RELN: variants seen among roughly 807,000 people sequenced by gnomAD.
RELN encodes reelin.
In RELN, 108 loss-of-function variants were observed where a neutral mutation model predicts 427.6. The ratio of observed to expected loss-of-function variants is 0.25; its 90% CI spans 0.22 to 0.30. The LOEUF is 0.30. Ranked by LOEUF, RELN falls within the 10% of genes least tolerant of loss-of-function variation. The pLI is 1.00. For missense variants in RELN, 3,715 were observed against 4,302.8 expected, an observed-to-expected ratio of 0.86 and a Z score of 3.82; for synonymous variants, 1,524 against 1,513.4, an observed-to-expected ratio of 1.01 and a Z score of -0.16.
intron 16 of RELN, among the ~76,000 whole-genome samples, chr7:103,646,545 C>T (rs1379151027): frequency 6.6e-6 from 1 of 151,868 alleles, no homozygotes; most frequent in African/African-American, 2.4e-5. Flanking sequence ...TTCCTGGAAA[C>T]ATACCTCCTC....
chr7:103,788,819 A>T (rs1341478793), intron 3 of RELN, among the ~76,000 whole-genome samples: 1 of 152,222 alleles, frequency 6.6e-6, no homozygotes, highest in Admixed American at 6.5e-5. Flanking sequence ...CCTTCACAGA[A>T]TTAGAAGAAA....
intron 19 of RELN, among the ~76,000 whole-genome samples, chr7:103,631,024 C>T (rs761440400): frequency 9.9e-5 from 15 of 151,752 alleles, no homozygotes; most frequent in Admixed American, 2.6e-4. Context: ...TGAAGAAACA[C>T]GCTAAACCAC....
intron 46 of RELN, among the ~76,000 whole-genome samples, chr7:103,527,150 C>A (rs1312402516): frequency 6.6e-6 from 1 of 152,208 alleles, no homozygotes; most frequent in African/African-American, 2.4e-5. Context: ...TTTCACTACA[C>A]ATTACAGAGT....
chr7:103,809,638 G>T (rs933830974), intron 3 of RELN, among the ~76,000 whole-genome samples: 3 of 152,170 alleles, frequency 2.0e-5, no homozygotes, highest in Admixed American at 1.3e-4. Context: ...GAAAGGAAAA[G>T]AAATTACAGT....
rs1832674582 is a variant in RELN at position 103,640,496 on chromosome 7, T to C, written c.2069+47A>G. ...ATGACTTGCGACTTCAACACATACATTACACATCAAAAAGGAGAAGCATAA... is the reference window on the plus strand; with the variant it reads ...ATGACTTGCGACTTCAACACATACACTACACATCAAAAAGGAGAAGCATAA... On this transcript the variant is annotated intron_variant, in intron 17 of 64. Transcript: ENST00000428762. The surrounding 1 kb of genome is among the most constrained non-coding windows in gnomAD (Gnocchi z 4.1). 1 of 1,581,180 alleles carries C rather than the reference T, an allele frequency of 6.3e-7. No homozygotes were observed. Among genetic ancestry groups the C allele is most frequent in the South Asian group, 1.1e-5 (1 of 90,400 alleles).
rs1832932210 is a variant in RELN, at chr7:103,652,225, CAGG to C, written c.1763+323_1763+325del. 2.7e-5 allele frequency among the ~76,000 whole-genome samples: 4 copies of C among 150,462 alleles called. No individual in the cohort carries two copies. In the South Asian group the frequency reaches 8.4e-4, roughly 32 times the overall value. On this transcript the variant is annotated intron_variant, in intron 14 of 64. Coordinates refer to ENST00000428762, the MANE Select transcript of RELN (RefSeq NM_005045.4). ...TTATTATTAGCAGGTCACCAGCCGA[CAGG>C]AGGTCAAGCTTTTTTTCAGTTGCTT...
chr7:103,769,943 C>T (rs1253176404), intron 4 of RELN, among the ~76,000 whole-genome samples: 1 of 152,130 alleles, frequency 6.6e-6, no homozygotes, highest in African/African-American at 2.4e-5. Context: ...CTCTAGTCTG[C>T]CCTCATGGTA....
At chr7:103,888,415 T>C (rs1794771988) in intron 2 of RELN, among the ~76,000 whole-genome samples, 1 of 152,178 alleles carries the variant, frequency 6.6e-6, no homozygotes, top group South Asian at 2.1e-4. Flanking sequence ...GAACCTGAGA[T>C]TGGCCACTGA....
intron 31 of RELN, among the ~76,000 whole-genome samples, chr7:103,570,838 TTATTATTAGAGGTTTATTA>T (rs796936681): frequency 6.2e-4 from 95 of 152,336 alleles, no homozygotes; most frequent in African/African-American, 2.3e-3. Flanking sequence ...TAGAGGTTTA[TTATTATTAGAGGTTTATTA>T]TTATTATTGC....
chr7:103,533,438 C>T (rs547750563), intron 46 of RELN, among the ~76,000 whole-genome samples: 2 of 151,036 alleles, frequency 1.3e-5, no homozygotes, highest in Admixed American at 6.6e-5. Context: ...TACTCATGTT[C>T]GAAACAAGTA....
chr7:103,565,389 T>C lies in RELN; in HGVS notation c.5099A>G (p.Glu1700Gly). 1 of 1,614,138 alleles carries C rather than the reference T, an allele frequency of 6.2e-7. No individual in the cohort carries two copies. The highest frequency in any genetic ancestry group is 8.5e-7 in the Non-Finnish European group (1 of 1,180,008). Reference protein sequence around the residue: ...NGKDWHLVTEECVPPTIGCLH... With the variant: ...NGKDWHLVTEGCVPPTIGCLH... ...ACAGCCAATGGTTGGAGGAACACAC[T>C]CTTCGGTGACAAGATGCCAGTCCTT... The change falls in exon 34 of 65, where the codon GAG (glutamate) becomes GGG (glycine). Residue 1700 changes from glutamate (E) to glycine (G), a missense_variant. Glu to Gly is a moderately conservative substitution (Grantham distance 98). This residue lies in a region of RELN where 2,208 missense variants were observed against 2,361.7 expected (regional missense o/e 0.93). Transcript: ENST00000428762.
intron 2 of RELN, among the ~76,000 whole-genome samples, chr7:103,902,390 A>G (rs1284957441): frequency 1.3e-5 from 2 of 152,066 alleles, no homozygotes; most frequent in African/African-American, 2.4e-5. Context: ...ATGATCTTTG[A>G]TAACTATATT....
At chr7:103,980,177 T>A (rs1029387744) in intron 1 of RELN, among the ~76,000 whole-genome samples, 31 of 151,096 alleles carry the variant, frequency 2.1e-4, no homozygotes, top group Non-Finnish European at 3.2e-4. Context: ...AAAAAAAAAA[T>A]TCTTAATAAA....
intron 55 of RELN, among the ~76,000 whole-genome samples, chr7:103,497,252 T>TC (rs1306406514): frequency 6.6e-6 from 1 of 152,192 alleles, no homozygotes; most frequent in Admixed American, 6.5e-5. Context: ...TACTTTAGGG[T>TC]CATCTGTTAA....
intron 25 of RELN, 46 bp from the exon 26 acceptor site, chr7:103,594,538 C>A: frequency 1.5e-6 from 2 of 1,363,668 alleles, no homozygotes; most frequent in Non-Finnish European, 2.0e-6. Flanking sequence ...AAAAGCTGTG[C>A]TTTTTTTTTT....
rs535558960 is a variant in RELN at position 103,866,700 on chromosome 7, TA to T, written c.338-33029del. On this transcript the variant is annotated intron_variant, in intron 2 of 64. Coordinates refer to ENST00000428762, the MANE Select transcript of RELN (RefSeq NM_005045.4). Reference sequence around the variant, plus strand: ...CCCAAGATGTCTTTATTTTACAAAATAATGCACTAATTACTGTACCATTGTG... The same window carrying T: ...CCCAAGATGTCTTTATTTTACAAAATATGCACTAATTACTGTACCATTGTG... Among the ~76,000 whole-genome samples, 22 of 152,240 alleles carry T rather than the reference TA, an allele frequency of 1.4e-4. No individual in the cohort carries two copies. The East Asian group carries it at 3.9e-3, about 27-fold the overall frequency.
chr7:103,486,791 C>G (rs1828456040), intron 60 of RELN, among the ~76,000 whole-genome samples: 1 of 152,332 alleles, frequency 6.6e-6, no homozygotes. Flanking sequence ...AATAGGAACA[C>G]TTTTACACTG....
chr7:103,483,220 T>C (rs746977008), intron 62 of RELN, among the ~76,000 whole-genome samples: 3 of 152,196 alleles, frequency 2.0e-5, no homozygotes, highest in African/African-American at 2.4e-5. Flanking sequence ...CCAGAAGATA[T>C]TTGGTCAAGC....
chr7:103,875,735 C>A (rs1254623444), intron 2 of RELN, among the ~76,000 whole-genome samples: 1 of 151,944 alleles, frequency 6.6e-6, no homozygotes, highest in Non-Finnish European at 1.5e-5. Flanking sequence ...TCAAAGATTG[C>A]AACCAGTTAA....
Sources: gnomAD v4.1 joint callset for allele counts (sites outside exome capture counted in the v4.1 genomes callset) on GRCh38, gnomAD v4.1.1 for gene constraint, gnomAD v4.1.1 regional missense constraint, Gnocchi (gnomAD v3.1) non-coding constraint, MANE v1.5 for transcripts, NCBI Gene and HGNC (gene_info 2026-07-23, HGNC 2026-07-21) for gene names.